The following BAZ2B variants were observed in gnomAD, a reference collection of about 807,000 sequenced individuals.
The protein encoded by BAZ2B is bromodomain adjacent to zinc finger domain protein 2B.
In BAZ2B, 91 loss-of-function variants were observed where a neutral mutation model predicts 246.0. The ratio of observed to expected loss-of-function variants is 0.37; its 90% CI spans 0.31 to 0.44. The LOEUF is 0.44. Among genes scored for constraint, BAZ2B ranks in the 20% least tolerant of loss-of-function variants. The pLI is 1.00. For missense variants in BAZ2B, 2,332 were observed against 2,533.7 expected (o/e 0.92, Z 1.71); for synonymous variants, 855 against 860.0 (o/e 0.99, Z 0.10).
At chr2:159,637,249 T>C in the BAZ2B span, among the ~76,000 whole-genome samples, 1 of 152,206 alleles carries the variant, frequency 6.6e-6, no homozygotes, top group African/African-American at 2.4e-5. Flanking sequence ...TAAGGGTCCC[T>C]AAGTCCAGGC....
intron 1 of BAZ2B, among the ~76,000 whole-genome samples, chr2:159,583,647 C>T (rs1400598219): frequency 4.0e-5 from 6 of 149,960 alleles, no homozygotes; most frequent in Non-Finnish European, 7.4e-5. Context: ...CATTTGTGAA[C>T]AAAAAGAAAA....
chr2:159,381,559 T>C (rs2061994298), intron 25 of BAZ2B, among the ~76,000 whole-genome samples: 1 of 152,156 alleles, frequency 6.6e-6, no homozygotes. Context: ...TCATCCCAAC[T>C]ACCATTGCTC....
At chr2:159,556,105 C>CA (rs1371678815) in intron 1 of BAZ2B, among the ~76,000 whole-genome samples, 2 of 152,276 alleles carry the variant, frequency 1.3e-5, no homozygotes, top group South Asian at 2.1e-4. Context: ...TAATCACCAA[C>CA]ACCCTAGGGT....
intron 36 of BAZ2B, among the ~76,000 whole-genome samples, chr2:159,323,898 G>C (rs796181215): frequency 1.3e-4 from 19 of 151,260 alleles, no homozygotes; most frequent in African/African-American, 4.4e-4. Flanking sequence ...TCATTTAAAC[G>C]CTTCCTTAAC....
In BAZ2B at chr2:159,349,943, A is replaced by T; in HGVS notation, c.4628T>A (p.Leu1543His). The T allele has an allele frequency of 1.2e-6, 2 of 1,614,146 alleles. No homozygotes were observed. The highest frequency in any genetic ancestry group is 1.7e-6 in the Non-Finnish European group (2 of 1,179,990). ...CGTTTTTAGTAACTGGTCATTGGGG[A>T]GAGGACTGTAGAACTTCCCTGGACC... ...SSGPGKFYSP[L>H]PNDQLLKTLT... The change falls in exon 28 of 37, where the codon CTC (leucine) becomes CAC (histidine). Residue 1543 changes from leucine to histidine, a missense_variant. Physicochemically the swap from Leu to His is moderately conservative, Grantham distance 99. Coordinates refer to ENST00000392783, the MANE Select transcript of BAZ2B (RefSeq NM_013450.4).
chr2:159,455,737 A>C (rs1441888630), intron 3 of BAZ2B, among the ~76,000 whole-genome samples: 1 of 146,808 alleles, frequency 6.8e-6, no homozygotes, highest in African/African-American at 2.5e-5. Context: ...CTTTAAGACC[A>C]GTGATAGGTT....
Position 159,543,749 on chromosome 2 carries a change from T to G in BAZ2B, c.-3+12074A>C, listed in dbSNP as rs769673109. Reference sequence around the variant, plus strand: ...CGAGGTTTTGCCATGTTGGCCAGGCTGGTCTTGATCCCTTGACCTCATGAT... The same window carrying G: ...CGAGGTTTTGCCATGTTGGCCAGGCGGGTCTTGATCCCTTGACCTCATGAT... On this transcript the variant is annotated intron_variant, in intron 2 of 36. Coordinates refer to ENST00000392783, the MANE Select transcript of BAZ2B (RefSeq NM_013450.4). Among the ~76,000 whole-genome samples, 84 of 152,350 alleles carry G rather than the reference T, an allele frequency of 5.5e-4. 1 individual carries two copies. The highest frequency in any genetic ancestry group is 3.4e-3 in the Middle Eastern group (1 of 294).
chr2:159,331,920 C>T (rs144577910), intron 34 of BAZ2B, among the ~76,000 whole-genome samples: 194 of 152,128 alleles, frequency 1.3e-3, no homozygotes, highest in Non-Finnish European at 2.3e-3. Context: ...TAAGACAAAC[C>T]GAAAGTCCTG....
chr2:159,599,935 C>CA (rs11303439), intron 1 of BAZ2B, among the ~76,000 whole-genome samples: 27,258 of 101,420 alleles, frequency 0.27, 3,856 homozygotes, highest in Admixed American at 0.38. Flanking sequence ...GACTCCTTCT[C>CA]AAAAAAAAAA....
chr2:159,383,548 T>C (rs2062259109), intron 24 of BAZ2B, 58 bp downstream of exon 24: 9 of 1,404,372 alleles, frequency 6.4e-6, no homozygotes, highest in East Asian at 2.3e-5. Context: ...TCATATGCTT[T>C]ACTGGGAATT....
At chr2:159,413,061 G>T (rs2067075858) in intron 13 of BAZ2B, among the ~76,000 whole-genome samples, 1 of 152,130 alleles carries the variant, frequency 6.6e-6, no homozygotes, top group African/African-American at 2.4e-5. Context: ...GAACTTGAAT[G>T]GTTGCCTATC....
At chr2:159,667,337 C>T in the BAZ2B span, among the ~76,000 whole-genome samples, 1 of 151,834 alleles carries the variant, frequency 6.6e-6, no homozygotes, top group African/African-American at 2.4e-5. Flanking sequence ...GGCTAACACC[C>T]ATAATCCCAG....
chr2:159,516,053 T>G (rs1430055031), intron 2 of BAZ2B, among the ~76,000 whole-genome samples: 2 of 152,120 alleles, frequency 1.3e-5, no homozygotes, highest in African/African-American at 4.8e-5. Flanking sequence ...ACCTACAGTA[T>G]GTGTATGAGC....
chr2:159,393,981 G>A (rs1213010853), intron 20 of BAZ2B, among the ~76,000 whole-genome samples: 2 of 152,116 alleles, frequency 1.3e-5, no homozygotes, highest in African/African-American at 2.4e-5. Context: ...CCCCCTCTCA[G>A]ATGATCTCAT....
At chr2:159,462,488 T>C in intron 3 of BAZ2B, 2 of 1,017,922 alleles carry the variant, frequency 2.0e-6, no homozygotes, top group Non-Finnish European at 3.1e-6. Context: ...GCGCAAGACC[T>C]TGAATGTGGT....
At chr2:159,555,676 T>C (rs1409158308) in intron 2 of BAZ2B, 147 bp downstream of exon 2, 5 of 132,556 alleles carry the variant, frequency 3.8e-5, no homozygotes, top group African/African-American at 1.8e-4. Context: ...TAGCTAGAAG[T>C]ATAAGATATG....
intron 1 of BAZ2B, among the ~76,000 whole-genome samples, chr2:159,559,530 A>T (rs1262577299): frequency 6.6e-6 from 1 of 152,204 alleles, no homozygotes; most frequent in African/African-American, 2.4e-5. Context: ...TTTTTTGGAA[A>T]AATTATAAGT....
chr2:159,386,575 A>G lies in BAZ2B; in HGVS notation c.3249T>C (p.Leu1083=). 6.2e-7 allele frequency: 1 copy of G among 1,611,628 alleles called. No homozygotes were observed. The highest frequency in any genetic ancestry group is 2.2e-5 in the East Asian group (1 of 44,808). Residue 1083 remains leucine (L), a synonymous_variant, in exon 22 of 37, where the codon CTT becomes CTC. Transcript: ENST00000392783. The part of the protein sequence containing the change: ...PLPELPRIPG[L]VLSGSTFSDC... The stretch of plus-strand genomic sequence containing the variant: ...CTGAAAATGTACTTCCAGAGAGAAC[A>G]AGTCCTGGAATACGAGGCAACTCTG...
chr2:159,343,508 G>T (rs535666984), intron 31 of BAZ2B, among the ~76,000 whole-genome samples: 14 of 152,206 alleles, frequency 9.2e-5, no homozygotes, highest in Non-Finnish European at 1.8e-4. Flanking sequence ...TCTGAAAGGA[G>T]ATTAATACCA....
Sources: gnomAD v4.1 joint callset for allele counts (sites outside exome capture counted in the v4.1 genomes callset) on GRCh38, gnomAD v4.1.1 for gene constraint, MANE v1.5 for transcripts, NCBI Gene and HGNC (gene_info 2026-07-23, HGNC 2026-07-21) for gene names.